The following CADM2 variants were observed in gnomAD, a reference collection of about 807,000 sequenced individuals.
CADM2 encodes the protein cell adhesion molecule 2.
Under a neutral mutation model 49.8 loss-of-function variants are expected in CADM2, and 12 were observed. That is an observed-to-expected ratio of 0.24 (90% confidence interval 0.15 to 0.39). The LOEUF is 0.39. Among genes scored for constraint, CADM2 ranks in the 10% least tolerant of loss-of-function variants. The pLI is 1.00. For missense variants in CADM2, 378 were observed against 492.3 expected (o/e 0.77, Z 2.20); for synonymous variants, 214 against 175.4 (o/e 1.22, Z -1.74).
chr3:85,869,734 C>T (rs1335648034), intron 3 of CADM2, among the ~76,000 whole-genome samples: 2 of 152,264 alleles, frequency 1.3e-5, no homozygotes, highest in South Asian at 2.1e-4. Context: ...TCTCGGCTCA[C>T]GGCAAGCTCT....
intron 2 of CADM2, among the ~76,000 whole-genome samples, chr3:85,783,421 A>G (rs914489272): frequency 1.3e-5 from 2 of 152,180 alleles, no homozygotes; most frequent in African/African-American, 2.4e-5. Context: ...CTGTGGTAAC[A>G]TTTGCTCCTG....
At chr3:85,766,547 C>T (rs1366596246) in intron 2 of CADM2, among the ~76,000 whole-genome samples, 1 of 152,194 alleles carries the variant, frequency 6.6e-6, no homozygotes, top group Non-Finnish European at 1.5e-5. Context: ...TGGCACATGC[C>T]TTGCACATTT....
chr3:85,526,133 T>A (rs1326257904), intron 1 of CADM2, among the ~76,000 whole-genome samples: 4 of 136,412 alleles, frequency 2.9e-5, no homozygotes, highest in Non-Finnish European at 6.4e-5. Context: ...TTGAAAATTC[T>A]CTCAATATAG....
chr3:85,859,350 C>A (rs1250836138), intron 3 of CADM2, among the ~76,000 whole-genome samples: 2 of 150,430 alleles, frequency 1.3e-5, no homozygotes, highest in Non-Finnish European at 2.9e-5. Flanking sequence ...CCTGCCTCAG[C>A]CTCTTAAGTA....
At chr3:85,253,686 T>A (rs1357432742) in intron 1 of CADM2, among the ~76,000 whole-genome samples, 1 of 152,104 alleles carries the variant, frequency 6.6e-6, no homozygotes, top group Admixed American at 6.6e-5. Context: ...CCTTACATAC[T>A]TCTCAAGCTG....
At chr3:85,474,040 G>T (rs1408278538) in intron 1 of CADM2, among the ~76,000 whole-genome samples, 1 of 151,920 alleles carries the variant, frequency 6.6e-6, no homozygotes, top group Non-Finnish European at 1.5e-5. Flanking sequence ...TGAAAGTAAT[G>T]AACAACTTCT....
chr3:85,689,267 G>A (rs1311705001), intron 1 of CADM2, among the ~76,000 whole-genome samples: 1 of 152,152 alleles, frequency 6.6e-6, no homozygotes, highest in Non-Finnish European at 1.5e-5. Context: ...GGGGTAGGGA[G>A]AGGCAGGGAG....
At chr3:85,502,615 AT>A (rs1420842293) in intron 1 of CADM2, among the ~76,000 whole-genome samples, 1 of 152,172 alleles carries the variant, frequency 6.6e-6, no homozygotes, top group Non-Finnish European at 1.5e-5. Context: ...GTGACAGCAG[AT>A]TTTTAAGTAA....
At chr3:85,454,435 GA>G (rs1244477289) in intron 1 of CADM2, among the ~76,000 whole-genome samples, 1 of 151,928 alleles carries the variant, frequency 6.6e-6, no homozygotes, top group Non-Finnish European at 1.5e-5. Flanking sequence ...GATCACTGAG[GA>G]AAAAAATGGA....
chr3:85,425,915 A>C (rs2036381604), intron 1 of CADM2, among the ~76,000 whole-genome samples: 1 of 152,162 alleles, frequency 6.6e-6, no homozygotes, highest in Non-Finnish European at 1.5e-5. Context: ...CATGATCTAC[A>C]GCTGTGACAG....
At chr3:85,629,440 A>C (rs989762071) in intron 1 of CADM2, among the ~76,000 whole-genome samples, 3 of 151,876 alleles carry the variant, frequency 2.0e-5, no homozygotes, top group Admixed American at 2.0e-4. Flanking sequence ...AATACTGAGA[A>C]CAATGTTTGC....
At chr3:85,212,585 A>G (rs1218981774) in intron 1 of CADM2, among the ~76,000 whole-genome samples, 1 of 152,138 alleles carries the variant, frequency 6.6e-6, no homozygotes, top group Non-Finnish European at 1.5e-5. Context: ...AAATTCTACA[A>G]TTTAACTTCA....
intron 1 of CADM2, among the ~76,000 whole-genome samples, chr3:85,562,077 A>G (rs1467509832): frequency 6.6e-6 from 1 of 152,152 alleles, no homozygotes; most frequent in East Asian, 1.9e-4. Flanking sequence ...TAGTACTTGG[A>G]GCTAGGTAAC....
At chr3:85,199,680 G>A (rs2041443504) in intron 1 of CADM2, among the ~76,000 whole-genome samples, 2 of 151,948 alleles carry the variant, frequency 1.3e-5, no homozygotes, top group South Asian at 2.1e-4. Flanking sequence ...AATTAATATA[G>A]TAATGCACAG....
At chr3:85,097,211 C>T (rs903179851) in intron 1 of CADM2, among the ~76,000 whole-genome samples, 18 of 152,122 alleles carry the variant, frequency 1.2e-4, no homozygotes, top group African/African-American at 4.3e-4. Context: ...CATGTGTTCT[C>T]ATTGTTCAAT....
At chr3:86,037,286 T>C (rs900887263) in intron 8 of CADM2, among the ~76,000 whole-genome samples, 8 of 152,212 alleles carry the variant, frequency 5.3e-5, no homozygotes, top group African/African-American at 1.9e-4. Context: ...ATGTCAACGC[T>C]TAACATAAAA....
At chr3:85,810,613 C>T (rs1384924934) in intron 3 of CADM2, among the ~76,000 whole-genome samples, 2 of 138,358 alleles carry the variant, frequency 1.4e-5, no homozygotes, top group Non-Finnish European at 3.0e-5. Flanking sequence ...TGTGTTGGCT[C>T]ACTGCAACCT....
intron 1 of CADM2, among the ~76,000 whole-genome samples, chr3:85,519,896 T>A (rs2106890290): frequency 6.6e-6 from 1 of 152,112 alleles, no homozygotes; most frequent in South Asian, 2.1e-4. Flanking sequence ...CCACCGAATT[T>A]GTAAGGAGAT....
At chr3:86,006,012 C>T (rs1364111462) in intron 8 of CADM2, among the ~76,000 whole-genome samples, 1 of 152,140 alleles carries the variant, frequency 6.6e-6, no homozygotes, top group African/African-American at 2.4e-5. Flanking sequence ...ACATAATGAT[C>T]TCCAGTTCCA....
Sources: gnomAD v4.1 joint callset for allele counts (sites outside exome capture counted in the v4.1 genomes callset) on GRCh38, gnomAD v4.1.1 for gene constraint, MANE v1.5 for transcripts, NCBI Gene and HGNC (gene_info 2026-07-23, HGNC 2026-07-21) for gene names.